Variants in GPHN observed in about 807,000 individuals in gnomAD.
GPHN encodes gephyrin.
GPHN carries 17 observed loss-of-function variants against 95.5 expected under a neutral mutation model. The ratio of observed to expected loss-of-function variants is 0.18; its 90% CI spans 0.12 to 0.27. GPHN has a LOEUF of 0.27. Ranked by LOEUF, GPHN falls within the 10% of genes least tolerant of loss-of-function variation. The probability of loss-of-function intolerance (pLI) is 1.00; values close to 1 mark genes in which losing one functional copy is unlikely to be tolerated. For missense variants in GPHN, 660 were observed against 978.1 expected (o/e 0.67, Z 4.34); for synonymous variants, 320 against 322.5 (o/e 0.99, Z 0.08).
At chr14:67,007,470 T>C (rs1043804648) in intron 9 of GPHN, among the ~76,000 whole-genome samples, 2 of 152,220 alleles carry the variant, frequency 1.3e-5, no homozygotes, top group African/African-American at 4.8e-5. Context: ...TTTCCACATA[T>C]CAAGTTTATC....
the GPHN span, chr14:67,279,325 G>A: frequency 2.5e-6 from 4 of 1,613,658 alleles, no homozygotes; most frequent in East Asian, 6.7e-5. Flanking sequence ...CCAATACGTC[G>A]AAGTGCACAG....
At chr14:67,322,822 A>G in the GPHN span, among the ~76,000 whole-genome samples, 1 of 152,320 alleles carries the variant, frequency 6.6e-6, no homozygotes, top group Non-Finnish European at 1.5e-5. Context: ...GCATATTCCT[A>G]TAATCTCCAT....
chr14:67,042,079 A>T (rs1470626708), intron 10 of GPHN, among the ~76,000 whole-genome samples: 2 of 150,622 alleles, frequency 1.3e-5, no homozygotes, highest in Admixed American at 1.3e-4. Flanking sequence ...TTTTCTTGTA[A>T]ATTTGTTTGA....
At chr14:67,227,099 G>C in the GPHN span, among the ~76,000 whole-genome samples, 4 of 152,098 alleles carry the variant, frequency 2.6e-5, no homozygotes, top group African/African-American at 7.2e-5. Context: ...CAAATGCAAA[G>C]AATGACAAAA....
chr14:67,731,207 CTTTTTTTTTTT>C, the GPHN span, among the ~76,000 whole-genome samples: 2 of 90,622 alleles, frequency 2.2e-5, no homozygotes, highest in Non-Finnish European at 4.0e-5. Context: ...TTCTTTCTTT[CTTTTTTTTTTT>C]TTTTTTTTTT....
chr14:67,223,285 C>T, the GPHN span, among the ~76,000 whole-genome samples: 1 of 152,060 alleles, frequency 6.6e-6, no homozygotes, highest in Non-Finnish European at 1.5e-5. Context: ...CAGGCGTGAG[C>T]CACTGCGCCT....
intron 1 of GPHN, among the ~76,000 whole-genome samples, chr14:66,595,525 G>A (rs375070984): frequency 6.6e-6 from 1 of 152,314 alleles, no homozygotes; most frequent in South Asian, 2.1e-4. Flanking sequence ...GTGGTGAGGG[G>A]TGTGTGAGTT....
the GPHN span, among the ~76,000 whole-genome samples, chr14:67,423,499 C>A: frequency 6.6e-6 from 1 of 151,802 alleles, no homozygotes; most frequent in Non-Finnish European, 1.5e-5. Context: ...TGGGGAGGGA[C>A]CACAGGTGAG....
chr14:67,178,692 C>G (rs1324020619), intron 21 of GPHN, among the ~76,000 whole-genome samples: 7 of 151,854 alleles, frequency 4.6e-5, no homozygotes, highest in Admixed American at 4.6e-4. Context: ...GAAAAACTTC[C>G]CAAATCTGTT....
At chr14:67,132,334 G>A (rs577912681) in intron 17 of GPHN, among the ~76,000 whole-genome samples, 11 of 152,212 alleles carry the variant, frequency 7.2e-5, no homozygotes, top group African/African-American at 2.6e-4. Context: ...AATCATCAAC[G>A]ATAATTTAGA....
At chr14:66,935,503 T>G (rs1435054801) in intron 8 of GPHN, among the ~76,000 whole-genome samples, 3 of 71,874 alleles carry the variant, frequency 4.2e-5, no homozygotes, top group African/African-American at 3.0e-4. Context: ...ATGTGTGTGT[T>G]TTTATATATA....
chr14:67,480,169 T>C, the GPHN span, among the ~76,000 whole-genome samples: 1 of 152,184 alleles, frequency 6.6e-6, no homozygotes, highest in Non-Finnish European at 1.5e-5. Flanking sequence ...GCCAGACCTC[T>C]GGACAGCCCC....
At chr14:67,279,052 A>G in the GPHN span, 2 of 934,984 alleles carry the variant, frequency 2.1e-6, no homozygotes, top group Admixed American at 3.4e-5. Context: ...TAGCATTATT[A>G]TGTGATGTGA....
chr14:67,168,762 G>T (rs1000759021), intron 20 of GPHN, among the ~76,000 whole-genome samples, 171 bp from the exon 21 acceptor site: 2 of 152,066 alleles, frequency 1.3e-5, no homozygotes, highest in Non-Finnish European at 1.5e-5. Context: ...ACCCCCTGTG[G>T]CATTTAGTTG....
At chr14:67,453,601 T>C in the GPHN span, among the ~76,000 whole-genome samples, 1 of 152,218 alleles carries the variant, frequency 6.6e-6, no homozygotes, top group Non-Finnish European at 1.5e-5. Flanking sequence ...CTGTTCCTAA[T>C]CTCATGCCAG....
chr14:67,498,168 C>A, the GPHN span, among the ~76,000 whole-genome samples: 1 of 152,150 alleles, frequency 6.6e-6, no homozygotes, highest in African/African-American at 2.4e-5. Flanking sequence ...AATCTCTGTT[C>A]CCGATCCATT....
chr14:67,727,014 G>C, the GPHN span: 1 of 1,613,040 alleles, frequency 6.2e-7, no homozygotes, highest in East Asian at 2.2e-5. Context: ...CTCCTGGAGC[G>C]GCTAAAGGTG....
the GPHN span, chr14:67,690,868 ACTAAGAAAGCAACACAGTCCC>A: frequency 2.2e-6 from 1 of 451,206 alleles, no homozygotes; most frequent in Non-Finnish European, 4.0e-6. Context: ...AAGGATCACT[ACTAAGAAAGCAACACAGTCCC>A]CTAAACCAAT....
the GPHN span, chr14:67,678,121 G>A: frequency 2.0e-6 from 1 of 512,408 alleles, no homozygotes; most frequent in Non-Finnish European, 3.5e-6. Context: ...AGTAACAGAA[G>A]CAAAGTAAAT....
Sources: gnomAD v4.1 joint callset for allele counts (sites outside exome capture counted in the v4.1 genomes callset) on GRCh38, gnomAD v4.1.1 for gene constraint, MANE v1.5 for transcripts, NCBI Gene and HGNC (gene_info 2026-07-23, HGNC 2026-07-21) for gene names.